Variants in WASHC5 observed in about 807,000 individuals in gnomAD.
WASHC5 encodes WASH complex subunit strumpellin.
In WASHC5, 101 loss-of-function variants were observed where a neutral mutation model predicts 150.4. The observed-to-expected ratio is 0.67, with a 90% CI of 0.57 to 0.79. WASHC5 has a LOEUF of 0.79. Among genes scored for constraint, WASHC5 ranks in the 30% least tolerant of loss-of-function variants. WASHC5 has a pLI of 0.00. For synonymous variants in WASHC5, 467 were observed against 491.2 expected (o/e 0.95, Z 0.65); for missense variants, 1,195 against 1,396.3 (o/e 0.86, Z 2.30).
intron 18 of WASHC5, among the ~76,000 whole-genome samples, chr8:125,050,007 T>C (rs1257924186): frequency 6.7e-6 from 1 of 149,788 alleles, no homozygotes; most frequent in Non-Finnish European, 1.5e-5. Flanking sequence ...GGAAGCCTCA[T>C]ATAAAGAAAT....
intron 13 of WASHC5, 26 bp from the exon 14 acceptor site, chr8:125,059,323 A>G: frequency 1.2e-6 from 2 of 1,613,514 alleles, no homozygotes; most frequent in Non-Finnish European, 1.7e-6. Flanking sequence ...AAACGGTAAG[A>G]AGATGTTCCT....
intron 28 of WASHC5, 132 bp downstream of exon 28, chr8:125,028,488 G>A (rs900228357): frequency 7.5e-6 from 5 of 670,230 alleles, no homozygotes; most frequent in Non-Finnish European, 1.4e-5. Context: ...GCTGGGGGTA[G>A]AGCAGTGGCG....
chr8:125,066,504 A>G (rs377104870), intron 10 of WASHC5, among the ~76,000 whole-genome samples: 2 of 152,206 alleles, frequency 1.3e-5, no homozygotes, highest in East Asian at 3.8e-4. Context: ...TTATGCCCAT[A>G]CAGGCTTCTT....
At chr8:125,039,693 C>T (rs1370670995) in intron 24 of WASHC5, 102 bp downstream of exon 24, 9 of 798,926 alleles carry the variant, frequency 1.1e-5, no homozygotes, top group Non-Finnish European at 1.7e-5. Context: ...TCAGACCTTC[C>T]ACCCAAAAAT....
At chr8:125,037,391 A>C (rs1385264255) in intron 25 of WASHC5, 58 bp from the exon 26 acceptor site, 1 of 1,016,364 alleles carries the variant, frequency 9.8e-7, no homozygotes, top group African/African-American at 1.6e-5. Context: ...AATACCACAG[A>C]ACAGGTTTCC....
rs375720047 is a variant in WASHC5, at chr8:125,050,678, C to T, written c.2098-13G>A. ...GCTTTGGATCCACCTAAGTGCCAAT[C>T]AAAAGTATTAAATGATAGTTACGAA... On this transcript the variant is annotated splice_polypyrimidine_tract_variant and intron_variant, in intron 17 of 28. Coordinates refer to ENST00000318410, the MANE Select transcript of WASHC5 (RefSeq NM_014846.4). 196 of 1,601,610 alleles carry T rather than the reference C, an allele frequency of 1.2e-4. No individual in the cohort carries two copies. Among genetic ancestry groups the T allele is most frequent in the Middle Eastern group, 9.9e-4 (6 of 6,038 alleles).
chr8:125,086,360 A>T (rs2130233808), intron 1 of WASHC5, among the ~76,000 whole-genome samples: 1 of 152,128 alleles, frequency 6.6e-6, no homozygotes, highest in East Asian at 1.9e-4. Flanking sequence ...GGGGAGTCTC[A>T]AACTCCTGGG....
At chr8:125,046,542 T>A (rs1203883880) in intron 20 of WASHC5, among the ~76,000 whole-genome samples, 1 of 152,158 alleles carries the variant, frequency 6.6e-6, no homozygotes, top group Non-Finnish European at 1.5e-5. Flanking sequence ...GCCTGGAGTG[T>A]ATTCTGGGTC....
At position 125,037,773 on chromosome 8, in the gene WASHC5, T is replaced by C. The variant is rs947197201; in HGVS notation, c.3085-440A>G. On this transcript the variant is annotated intron_variant, in intron 25 of 28. Coordinates refer to ENST00000318410, the MANE Select transcript of WASHC5 (RefSeq NM_014846.4). ...AGGGAGAGTGAAGGGAAAAGATCCATGTAGCAGCGAGTGGTGGTATCTAAG... is the reference window on the plus strand; with the variant it reads ...AGGGAGAGTGAAGGGAAAAGATCCACGTAGCAGCGAGTGGTGGTATCTAAG... Among the ~76,000 whole-genome samples, 8 of 151,942 alleles carry C rather than the reference T, an allele frequency of 5.3e-5. No individual in the cohort carries two copies. The South Asian group carries it at 6.2e-4, about 12-fold the overall frequency.
At chr8:125,049,822 C>T (rs570963934) in intron 18 of WASHC5, among the ~76,000 whole-genome samples, 7 of 152,204 alleles carry the variant, frequency 4.6e-5, no homozygotes, top group African/African-American at 1.7e-4. Flanking sequence ...GCCTGGGAGA[C>T]AGAGCAAGAC....
Position 125,073,167 on chromosome 8 carries a change from T to TGAA in WASHC5, c.1133_1135dup (p.Leu378dup). 1 of 1,614,134 alleles carries TGAA rather than the reference T, an allele frequency of 6.2e-7. No individual in the cohort carries two copies. On this transcript the variant is annotated inframe_insertion, in exon 9 of 29. Coordinates refer to ENST00000318410, the MANE Select transcript of WASHC5 (RefSeq NM_014846.4). ...TTGTGCATTACCTGAGTCTGCTGTATGAAGCATCAGCCATCGGATGGCAAC... is the reference window on the plus strand; with the variant it reads ...TTGTGCATTACCTGAGTCTGCTGTATGAAGAAGCATCAGCCATCGGATGGCAAC...
chr8:125,081,236 CTTTTTT>C (rs35035456), intron 5 of WASHC5, among the ~76,000 whole-genome samples: 3 of 129,150 alleles, frequency 2.3e-5, no homozygotes, highest in Non-Finnish European at 3.2e-5. Context: ...AAGAATCTTA[CTTTTTT>C]TTTTTTTTTT....
At chr8:125,077,221 A>G (rs1817090032) in intron 6 of WASHC5, among the ~76,000 whole-genome samples, 1 of 152,212 alleles carries the variant, frequency 6.6e-6, no homozygotes, top group African/African-American at 2.4e-5. Flanking sequence ...GTCACATGAA[A>G]CCTGCAGGCA....
At chr8:125,045,155 C>T (rs988698898) in intron 20 of WASHC5, among the ~76,000 whole-genome samples, 5 of 152,182 alleles carry the variant, frequency 3.3e-5, no homozygotes, top group African/African-American at 4.8e-5. Flanking sequence ...GAGACTATGA[C>T]GACAAAGCAA....
intron 8 of WASHC5, among the ~76,000 whole-genome samples, chr8:125,074,721 A>T (rs1372367813): frequency 6.6e-6 from 1 of 152,218 alleles, no homozygotes; most frequent in Non-Finnish European, 1.5e-5. Flanking sequence ...GTCTTTAAGC[A>T]AAAGTAAACT....
chr8:125,039,909 G>A lies in WASHC5; in HGVS notation c.2851-11C>T. 6.3e-7 allele frequency: 1 copy of A among 1,579,662 alleles called. No homozygotes were observed. Among genetic ancestry groups the A allele is most frequent in the Non-Finnish European group, 8.7e-7 (1 of 1,149,848 alleles). On this transcript the variant is annotated splice_polypyrimidine_tract_variant and intron_variant, in intron 23 of 28. Coordinates refer to ENST00000318410, the MANE Select transcript of WASHC5 (RefSeq NM_014846.4). ...CTGCATCTGCCCAACCTGTGCACAA[G>A]CAAGAGAAAGAACAGGTAGTGCATT...
rs1392863187 is a variant in WASHC5 at position 125,075,056 on chromosome 8, T to C, written c.920A>G (p.Tyr307Cys). ...TVNLVDAWEP[Y>C]KAAKTALNNT... The stretch of plus-strand genomic sequence containing the variant: ...ATTTAAAGCAGTTTTTGCAGCTTTG[T>C]AAGGTTCCCAAGCATCTACTAGATT... Residue 307 changes from tyrosine to cysteine, a missense_variant, in exon 8 of 29, where the codon TAC (tyrosine) becomes TGC (cysteine). By Grantham distance (194) the Tyr-to-Cys change is radical (BLOSUM62 -2). Transcript: ENST00000318410. 6.2e-7 allele frequency: 1 copy of C among 1,613,158 alleles called. No individual in the cohort carries two copies. Among genetic ancestry groups the C allele is most frequent in the Admixed American group, 1.7e-5 (1 of 60,022 alleles).
intron 14 of WASHC5, among the ~76,000 whole-genome samples, chr8:125,058,241 T>C (rs1234678751): frequency 6.6e-6 from 1 of 151,912 alleles, no homozygotes; most frequent in African/African-American, 2.4e-5. Context: ...TACAGAAATG[T>C]TAAAATATGA....
chr8:125,081,911 T>G, intron 4 of WASHC5, 150 bp from the exon 5 acceptor site: 10 of 659,752 alleles, frequency 1.5e-5, no homozygotes, highest in East Asian at 2.8e-5. Flanking sequence ...AAGGAGCTCT[T>G]ACCTTCTTGC....
Sources: gnomAD v4.1 joint callset for allele counts (sites outside exome capture counted in the v4.1 genomes callset) on GRCh38, gnomAD v4.1.1 for gene constraint, MANE v1.5 for transcripts, NCBI Gene and HGNC (gene_info 2026-07-23, HGNC 2026-07-21) for gene names.